Variants in WWOX observed in about 807,000 individuals in gnomAD.
WWOX encodes the protein WW domain-containing oxidoreductase.
In WWOX, 69 loss-of-function variants were observed where a neutral mutation model predicts 46.2. The ratio of observed to expected loss-of-function variants is 1.49; its 90% CI spans 1.23 to 1.82. WWOX has a LOEUF of 1.82. WWOX is among the 40% of genes most tolerant of loss of function. WWOX has a pLI of 0.00. For missense variants in WWOX, 919 were observed against 542.6 expected (o/e 1.69, Z -6.89); for synonymous variants, 359 against 202.6 (o/e 1.77, Z -6.56).
intron 8 of WWOX, among the ~76,000 whole-genome samples, chr16:79,051,241 T>G (rs1173059026): frequency 2.0e-5 from 3 of 152,180 alleles, no homozygotes. Flanking sequence ...AAGGGGAAAC[T>G]TTTTCTTGGG....
intron 8 of WWOX, among the ~76,000 whole-genome samples, chr16:78,909,874 T>G (rs1029759003): frequency 6.8e-4 from 104 of 152,226 alleles, no homozygotes; most frequent in Non-Finnish European, 5.9e-4. Flanking sequence ...CATTGCATGC[T>G]TATTCCTTAG....
chr16:79,173,882 G>T (rs1049866845), intron 8 of WWOX, among the ~76,000 whole-genome samples: 1 of 152,168 alleles, frequency 6.6e-6, no homozygotes, highest in Non-Finnish European at 1.5e-5. Context: ...AGGACGGTGG[G>T]TGATATATTA....
chr16:78,903,919 G>A (rs897691666), intron 8 of WWOX, among the ~76,000 whole-genome samples: 12 of 152,188 alleles, frequency 7.9e-5, no homozygotes, highest in Admixed American at 7.9e-4. Context: ...AAGGTACAGA[G>A]TGGATAAGTC....
chr16:78,687,250 A>T (rs1053257147), intron 8 of WWOX, among the ~76,000 whole-genome samples: 93 of 152,360 alleles, frequency 6.1e-4, no homozygotes, highest in African/African-American at 2.2e-3. Context: ...TATTGGAAAT[A>T]TGAACCCAAT....
intron 8 of WWOX, among the ~76,000 whole-genome samples, chr16:78,842,309 C>G (rs1448655869): frequency 2.2e-5 from 3 of 136,266 alleles, no homozygotes; most frequent in Non-Finnish European, 4.7e-5. Context: ...GTCTGGGCAA[C>G]ATAGGCAGAC....
intron 8 of WWOX, among the ~76,000 whole-genome samples, chr16:79,098,204 G>A (rs1427998710): frequency 6.6e-6 from 1 of 152,174 alleles, no homozygotes; most frequent in Non-Finnish European, 1.5e-5. Context: ...CATCCAGAGA[G>A]ACATTCATTT....
chr16:78,290,725 G>C (rs1567480646), intron 5 of WWOX, among the ~76,000 whole-genome samples: 1 of 151,712 alleles, frequency 6.6e-6, no homozygotes, highest in Non-Finnish European at 1.5e-5. Context: ...AATGACTTCT[G>C]TAATATGGGA....
chr16:78,750,617 G>C (rs2049452717), intron 8 of WWOX, among the ~76,000 whole-genome samples: 1 of 152,072 alleles, frequency 6.6e-6, no homozygotes, highest in African/African-American at 2.4e-5. Flanking sequence ...TCAATAGGTA[G>C]TTTTTCAATC....
At chr16:79,054,603 C>G (rs2048228991) in intron 8 of WWOX, among the ~76,000 whole-genome samples, 1 of 152,166 alleles carries the variant, frequency 6.6e-6, no homozygotes, top group Non-Finnish European at 1.5e-5. Context: ...GGGAAGATCC[C>G]TTGAGTCCAG....
chr16:78,411,517 C>T (rs985559652), intron 6 of WWOX, among the ~76,000 whole-genome samples: 14 of 152,140 alleles, frequency 9.2e-5, no homozygotes, highest in African/African-American at 2.9e-4. Context: ...GATGATTCAC[C>T]TGCCTGGAGC....
chr16:78,106,899 G>T (rs953699286), intron 1 of WWOX, among the ~76,000 whole-genome samples: 26 of 152,174 alleles, frequency 1.7e-4, no homozygotes, highest in Non-Finnish European at 7.4e-5. Context: ...GAGGAGACTG[G>T]CTGGACTCAG....
chr16:78,466,802 C>G lies in WWOX; in HGVS notation c.1056+34050C>G, dbSNP rs1023496249. Among the ~76,000 whole-genome samples the G allele has an allele frequency of 4.6e-5, 7 of 152,228 alleles. No individual in the cohort carries two copies. In the South Asian group the frequency reaches 1.0e-3, roughly 23 times the overall value. On this transcript the variant is annotated intron_variant, in intron 8 of 8. Coordinates refer to ENST00000566780, the MANE Select transcript of WWOX (RefSeq NM_016373.4). ...GGCAGAGGTTGCAGTGAGCCGATATCTCACCTCTGCACTCCAGCGTGGGCA... is the reference window on the plus strand; with the variant it reads ...GGCAGAGGTTGCAGTGAGCCGATATGTCACCTCTGCACTCCAGCGTGGGCA...
intron 8 of WWOX, among the ~76,000 whole-genome samples, chr16:79,021,945 T>G (rs2047542287): frequency 6.6e-6 from 1 of 152,194 alleles, no homozygotes; most frequent in African/African-American, 2.4e-5. Flanking sequence ...CACTGAGAGT[T>G]AAAATCACCC....
chr16:78,645,928 C>G (rs1414086154), intron 8 of WWOX, among the ~76,000 whole-genome samples: 1 of 152,170 alleles, frequency 6.6e-6, no homozygotes, highest in Non-Finnish European at 1.5e-5. Flanking sequence ...CCACATCTTC[C>G]ATCCTTAAAA....
chr16:78,942,084 A>C (rs1259101380), intron 8 of WWOX, among the ~76,000 whole-genome samples: 1 of 152,142 alleles, frequency 6.6e-6, no homozygotes, highest in Non-Finnish European at 1.5e-5. Context: ...AGTATGCCCA[A>C]GTTCAAATTA....
intron 8 of WWOX, among the ~76,000 whole-genome samples, chr16:78,903,968 C>T (rs1542933): frequency 0.99 from 150,407 of 152,240 alleles, 74,312 homozygotes; most frequent in Middle Eastern, 1. Flanking sequence ...TGAATGGAGA[C>T]TCCTTGTGTG....
intron 8 of WWOX, among the ~76,000 whole-genome samples, chr16:78,619,798 A>C (rs371068607): frequency 6.6e-6 from 1 of 152,008 alleles, no homozygotes; most frequent in Admixed American, 6.6e-5. Flanking sequence ...GGTCCCAGCT[A>C]CTCAGGAGGC....
At chr16:78,645,384 C>G (rs1334131058) in intron 8 of WWOX, among the ~76,000 whole-genome samples, 4 of 152,026 alleles carry the variant, frequency 2.6e-5, no homozygotes, top group African/African-American at 9.7e-5. Flanking sequence ...TTCTGGAGGT[C>G]AAAAGTCCAA....
chr16:79,109,212 C>T (rs182856432), intron 8 of WWOX, among the ~76,000 whole-genome samples: 26 of 152,292 alleles, frequency 1.7e-4, no homozygotes, highest in African/African-American at 5.5e-4. Flanking sequence ...AAACGTATTC[C>T]TTTGTCCCTT....
Sources: gnomAD v4.1 joint callset for allele counts (sites outside exome capture counted in the v4.1 genomes callset) on GRCh38, gnomAD v4.1.1 for gene constraint, MANE v1.5 for transcripts, NCBI Gene and HGNC (gene_info 2026-07-23, HGNC 2026-07-21) for gene names.